The following NLRP7 variants were observed in gnomAD, a reference collection of about 807,000 sequenced individuals.
NLRP7 encodes the protein NLR family pyrin domain containing 7, also known as NACHT, LRR and PYD domains-containing protein 7.
NLRP7 carries 72 observed loss-of-function variants against 85.5 expected under a neutral mutation model. The observed-to-expected ratio is 0.84, with a 90% CI of 0.70 to 1.02. The LOEUF is 1.02. Ranked by LOEUF, NLRP7 falls within the 50% of genes least tolerant of loss-of-function variation. NLRP7 has a pLI of 0.00. For missense variants in NLRP7, 1,243 were observed against 1,219.5 expected, an observed-to-expected ratio of 1.02 and a Z score of -0.29; for synonymous variants, 550 against 505.2, an observed-to-expected ratio of 1.09 and a Z score of -1.19.
chr19:54,951,420 G>A (rs903969340), upstream of NLRP7, among the ~76,000 whole-genome samples: 1 of 151,918 alleles, frequency 6.6e-6, no homozygotes, highest in Non-Finnish European at 1.5e-5. Context: ...GTAGTTCAAC[G>A]CCTGTAATCC....
intron 1 of NLRP7, among the ~76,000 whole-genome samples, chr19:54,957,220 CCT>C (rs2069887028): frequency 6.6e-6 from 1 of 151,574 alleles, no homozygotes; most frequent in Admixed American, 6.6e-5. Context: ...TGGGTTTCAC[CCT>C]GTTGTCCAGG....
chr19:54,945,005 C>T (rs1287098631), intron 1 of NLRP7, among the ~76,000 whole-genome samples: 1 of 151,514 alleles, frequency 6.6e-6, no homozygotes, highest in African/African-American at 2.4e-5. Flanking sequence ...TATGGGAGGC[C>T]GAGGCGGGCA....
intron 1 of NLRP7, among the ~76,000 whole-genome samples, chr19:54,954,611 G>T (rs535949675): frequency 6.6e-6 from 1 of 150,666 alleles, no homozygotes; most frequent in Non-Finnish European, 1.5e-5. Context: ...TTGGGAGGCC[G>T]AGGCGGGCAT....
At chr19:54,961,557 C>T (rs2070043422) in intron 1 of NLRP7, among the ~76,000 whole-genome samples, 1 of 151,400 alleles carries the variant, frequency 6.6e-6, no homozygotes, top group South Asian at 2.1e-4. Context: ...GGTACTGTGG[C>T]TGGGCGTGGT....
Position 54,939,358 on chromosome 19 carries a change from C to A in NLRP7, c.1461G>T (p.Gly487=), listed in dbSNP as rs199475829. 2.1e-5 allele frequency: 33 copies of A among 1,602,758 alleles called. No homozygotes were observed. In the East Asian group the frequency reaches 7.1e-4, roughly 35 times the overall value. Reference sequence around the variant, plus strand: ...CCCAGGCGTGGCCGTCCCTGTCCTCCCCCTCCTCCTTCTCCAGGGCGTAGA... The same window carrying A: ...CCCAGGCGTGGCCGTCCCTGTCCTCACCCTCCTCCTTCTCCAGGGCGTAGA... The change falls in exon 4 of 10, where the codon GGG becomes GGT. Residue 487 remains glycine, a synonymous_variant. Coordinates refer to ENST00000340844, the Ensembl canonical transcript of NLRP7.
At chr19:54,945,653 C>T (rs945666499) in intron 1 of NLRP7, among the ~76,000 whole-genome samples, 2 of 152,086 alleles carry the variant, frequency 1.3e-5, no homozygotes, top group East Asian at 3.9e-4. Flanking sequence ...GGCTGGAGTG[C>T]AGTGGCACAA....
At chr19:54,941,728 G>C (rs1198517687) in exon 2 of NLRP7, 2 of 1,609,314 alleles carry the variant, frequency 1.2e-6, no homozygotes, top group Non-Finnish European at 1.7e-6. Context: ...CCGAGTATGA[G>C]ACCTTAGGTT....
At chr19:54,960,478 T>C (rs2070004157) in intron 1 of NLRP7, among the ~76,000 whole-genome samples, 1 of 151,754 alleles carries the variant, frequency 6.6e-6, no homozygotes, top group South Asian at 2.1e-4. Flanking sequence ...AAATCCATCC[T>C]TCTCCCCAGC....
rs577232281 is a variant in NLRP7, at chr19:54,959,200, A to G, written c.-77+6840T>C. ...GTCGCTAAGGCTGGAGTGCAGTGGC[A>G]CAATCTCGGCTCACTGCAAGCTCCG... On this transcript the variant is annotated intron_variant, in intron 1 of 2. Coordinates refer to the NLRP7 transcript ENST00000587103. 2.3e-3 allele frequency among the ~76,000 whole-genome samples: 337 copies of G among 148,014 alleles called. 1 individual carries two copies. The highest frequency in any genetic ancestry group is 8.0e-3 in the African/African-American group (320 of 40,008).
intron 1 of NLRP7, among the ~76,000 whole-genome samples, chr19:54,961,682 C>A (rs142591442): frequency 4.7e-4 from 71 of 150,492 alleles, no homozygotes; most frequent in African/African-American, 1.6e-3. Context: ...AAAAATTAGC[C>A]TGGCATGGTG....
chr19:54,927,607 G>C (rs570449872), intron 9 of NLRP7: 17 of 1,613,572 alleles, frequency 1.1e-5, no homozygotes, highest in Admixed American at 5.0e-5. Flanking sequence ...ACCCATACCT[G>C]AGTATCTTCA....
At chr19:54,926,225 T>TGTGTGTGC (rs1261219679) in intron 9 of NLRP7, among the ~76,000 whole-genome samples, 5 of 151,184 alleles carry the variant, frequency 3.3e-5, no homozygotes, top group African/African-American at 7.3e-5. Flanking sequence ...TGTGTGTGTG[T>TGTGTGTGC]GTGCTCATGC....
chr19:54,940,796 C>T (rs1276677857), intron 3 of NLRP7, 135 bp downstream of exon 3: 1 of 743,022 alleles, frequency 1.3e-6, no homozygotes, highest in African/African-American at 1.7e-5. Context: ...CACTACACTC[C>T]AGCCTGGGCT....
At chr19:54,963,999 C>A (rs1428957199) in intron 1 of NLRP7, among the ~76,000 whole-genome samples, 1 of 147,774 alleles carries the variant, frequency 6.8e-6, no homozygotes, top group Non-Finnish European at 1.5e-5. Flanking sequence ...TCTGCTTCAG[C>A]CTCCCAAGTA....
chr19:54,928,152 G>A (rs940622828), intron 9 of NLRP7, among the ~76,000 whole-genome samples: 23 of 152,066 alleles, frequency 1.5e-4, no homozygotes, highest in African/African-American at 4.1e-4. Flanking sequence ...CCTGGGAGGC[G>A]GAGGTTACAG....
chr19:54,934,003 C>G lies in NLRP7; in HGVS notation c.2472-264G>C, dbSNP rs539715926. Among the ~76,000 whole-genome samples the G allele has an allele frequency of 2.6e-5, 4 of 152,246 alleles. No individual in the cohort carries two copies. Among genetic ancestry groups the G allele is most frequent in the Admixed American group, 6.5e-5 (1 of 15,284 alleles). On this transcript the variant is annotated intron_variant, in intron 7 of 9. Transcript: ENST00000340844. This position sits in a 1 kb window ranked among gnomAD's most constrained non-coding sequence, Gnocchi z 6.7. ...TGTCGCCCAGGCTGGAGTGCAGTGG[C>G]GCGATCTCGGTTCACTGCCAATCGC...
chr19:54,955,048 C>T (rs2069806872), intron 1 of NLRP7, among the ~76,000 whole-genome samples: 2 of 152,070 alleles, frequency 1.3e-5, no homozygotes, highest in African/African-American at 4.8e-5. Context: ...TCATTGGTGG[C>T]CGGGCGCGGT....
chr19:54,953,395 T>C (rs1285788044), intron 1 of NLRP7: 6 of 152,268 alleles, frequency 3.9e-5, no homozygotes, highest in African/African-American at 1.4e-4. Flanking sequence ...CTGCATGCAC[T>C]GGTAATCAGA....
At chr19:54,925,955 G>A (rs1206678695) in intron 9 of NLRP7, among the ~76,000 whole-genome samples, 34 of 151,190 alleles carry the variant, frequency 2.2e-4, no homozygotes, top group Admixed American at 4.6e-4. Flanking sequence ...AGCCGAGATC[G>A]CACCGCTTCA....
Sources: gnomAD v4.1 joint callset for allele counts (sites outside exome capture counted in the v4.1 genomes callset) on GRCh38, gnomAD v4.1.1 for gene constraint, Gnocchi (gnomAD v3.1) non-coding constraint, MANE v1.5 for transcripts, NCBI Gene and HGNC (gene_info 2026-07-23, HGNC 2026-07-21) for gene names.